REEP1: variants seen among roughly 807,000 people sequenced by gnomAD.
REEP1 encodes the protein receptor expression-enhancing protein 1.
A neutral mutation model predicts 40.3 loss-of-function variants in REEP1; 22 were observed. The observed-to-expected ratio is 0.55, with a 90% CI of 0.39 to 0.78. The LOEUF (loss-of-function observed/expected upper bound fraction) is 0.78. Among genes scored for constraint, REEP1 ranks in the 30% least tolerant of loss-of-function variants. The probability of loss-of-function intolerance (pLI) is 0.00; values close to 1 mark genes in which losing one functional copy is unlikely to be tolerated. For missense variants in REEP1, 280 were observed against 361.1 expected, an observed-to-expected ratio of 0.78 and a Z score of 1.82; for synonymous variants, 116 against 139.2, an observed-to-expected ratio of 0.83 and a Z score of 1.17.
intron 4 of REEP1, 130 bp from the exon 5 acceptor site, chr2:86,252,200 A>G: frequency 4.1e-6 from 3 of 740,328 alleles, no homozygotes; most frequent in Non-Finnish European, 7.3e-6. Context: ...GAAAAGCTGT[A>G]GGCACTTTGA....
intron 1 of REEP1, among the ~76,000 whole-genome samples, chr2:86,289,121 T>G (rs1337143730): frequency 6.6e-6 from 1 of 152,254 alleles, no homozygotes; most frequent in South Asian, 2.1e-4. Flanking sequence ...TTCCAGATTT[T>G]TTCTATCTTG....
chr2:86,218,569 C>T (rs971302135), intron 8 of REEP1, among the ~76,000 whole-genome samples: 15 of 152,240 alleles, frequency 9.9e-5, no homozygotes, highest in African/African-American at 3.6e-4. Context: ...GGCTGGTGAA[C>T]TGTAAACAGT....
In REEP1 at chr2:86,216,894, G is replaced by T; in HGVS notation, c.*145C>A. On this transcript the variant is annotated 3_prime_UTR_variant, in exon 9 of 9. Coordinates refer to ENST00000538924, the MANE Select transcript of REEP1 (RefSeq NM_001371279.1). ...GGGGGAAAAAAATAAATCCTTAAAA[G>T]TGGAAGGGGAGAGAGAAAAGGCCAT... The T allele has an allele frequency of 1.1e-5, 7 of 658,522 alleles. No individual in the cohort carries two copies. The highest frequency in any genetic ancestry group is 3.7e-5 in the African/African-American group (2 of 54,530). The allele number at this position is 658,522 out of a possible 1,614,324, so 40.8% of individuals were successfully genotyped here.
chr2:86,265,093 G>A (rs1461873185), intron 2 of REEP1, among the ~76,000 whole-genome samples: 1 of 152,180 alleles, frequency 6.6e-6, no homozygotes, highest in Non-Finnish European at 1.5e-5. Flanking sequence ...AACTTGGCAG[G>A]TCCCTGAAAT....
intron 7 of REEP1, chr2:86,223,837 C>G (rs936660663): frequency 2.6e-5 from 4 of 151,782 alleles, no homozygotes; most frequent in South Asian, 2.1e-4. Context: ...GGAGGGACAC[C>G]TCTATGACTA....
intron 5 of REEP1, among the ~76,000 whole-genome samples, chr2:86,248,176 G>A (rs1031920066): frequency 6.6e-6 from 1 of 152,188 alleles, no homozygotes; most frequent in Non-Finnish European, 1.5e-5. Flanking sequence ...ATCCTGGCCT[G>A]TAATTCCAGC....
At chr2:86,222,450 C>A (rs764960297) in intron 7 of REEP1, among the ~76,000 whole-genome samples, 23 of 152,198 alleles carry the variant, frequency 1.5e-4, no homozygotes, top group Non-Finnish European at 3.1e-4. Flanking sequence ...TCACTGTGTC[C>A]GCTGAGCATT....
chr2:86,314,660 T>C (rs1383212109), intron 1 of REEP1, among the ~76,000 whole-genome samples: 1 of 151,458 alleles, frequency 6.6e-6, no homozygotes, highest in Non-Finnish European at 1.5e-5. Context: ...CAGTGTGCTT[T>C]TGGGGAGGCA....
At chr2:86,254,560 G>T in intron 4 of REEP1, 134 bp downstream of exon 4, 1 of 872,934 alleles carries the variant, frequency 1.1e-6, no homozygotes, top group Non-Finnish European at 1.8e-6. Context: ...TAAAAAAAAC[G>T]ATTAGGAGGA....
chr2:86,267,070 A>G (rs1677189342), intron 2 of REEP1, among the ~76,000 whole-genome samples: 1 of 151,814 alleles, frequency 6.6e-6, no homozygotes, highest in Non-Finnish European at 1.5e-5. Flanking sequence ...CCAAGATGAG[A>G]GAATTGCTTG....
At chr2:86,217,666 A>ATTTTTTTTTTTTTTTT (rs10668934) in intron 8 of REEP1, among the ~76,000 whole-genome samples, 33 of 112,894 alleles carry the variant, frequency 2.9e-4, no homozygotes, top group African/African-American at 9.9e-4. Context: ...GGGATTTCAG[A>ATTTTTTTTTTTTTTTT]TTTTTTTTTT....
At chr2:86,327,718 C>G (rs1418635993) in intron 1 of REEP1, among the ~76,000 whole-genome samples, 1 of 152,084 alleles carries the variant, frequency 6.6e-6, no homozygotes, top group African/African-American at 2.4e-5. Flanking sequence ...CAGGCACCCG[C>G]CTCCACATCC....
intron 3 of REEP1, among the ~76,000 whole-genome samples, chr2:86,262,171 T>C (rs4832269): frequency 0.42 from 63,500 of 152,050 alleles, 14,735 homozygotes; most frequent in East Asian, 0.65. Flanking sequence ...CCTATTTTTT[T>C]CTCTATACTT....
intron 8 of REEP1, among the ~76,000 whole-genome samples, chr2:86,218,625 AC>A (rs779620549): frequency 8.6e-5 from 13 of 151,762 alleles, no homozygotes; most frequent in Non-Finnish European, 1.8e-4. Context: ...AACAGCACAA[AC>A]CCTTGGGCCT....
At chr2:86,257,877 G>A (rs951943645) in intron 3 of REEP1, among the ~76,000 whole-genome samples, 8 of 152,150 alleles carry the variant, frequency 5.3e-5, no homozygotes, top group Non-Finnish European at 1.0e-4. Context: ...GACCTCAGGT[G>A]ATCCGCCCGC....
chr2:86,332,161 C>T (rs1283637168), intron 1 of REEP1, among the ~76,000 whole-genome samples: 1 of 152,114 alleles, frequency 6.6e-6, no homozygotes, highest in East Asian at 1.9e-4. Context: ...AGAATAAATA[C>T]TCTGAATATA....
intron 1 of REEP1, among the ~76,000 whole-genome samples, chr2:86,314,087 A>T (rs1679882967): frequency 6.6e-6 from 1 of 152,190 alleles, no homozygotes; most frequent in East Asian, 1.9e-4. Flanking sequence ...GAAAAGGCTG[A>T]CCCACAGTGA....
At chr2:86,273,614 C>T (rs937656117) in intron 2 of REEP1, among the ~76,000 whole-genome samples, 4 of 152,100 alleles carry the variant, frequency 2.6e-5, no homozygotes, top group African/African-American at 9.7e-5. Context: ...TCATCAAAAG[C>T]TCATCCACAC....
chr2:86,255,503 G>T lies in REEP1; in HGVS notation c.183-689C>A, dbSNP rs1480654868. Among the ~76,000 whole-genome samples, 4 of 152,114 alleles carry T rather than the reference G, an allele frequency of 2.6e-5. No homozygotes were observed. In the South Asian group the frequency reaches 8.3e-4, roughly 32 times the overall value. On this transcript the variant is annotated intron_variant, in intron 3 of 8. Transcript: ENST00000538924. ...TGCAGTCCTGCATACCCTCAAGCCT[G>T]TTCATTTATTTGTCCCCCCACAGGC...
Sources: allele counts gnomAD v4.1 joint callset (sites outside exome capture counted in the v4.1 genomes callset), GRCh38; gene constraint gnomAD v4.1.1; transcripts MANE v1.5; gene names NCBI Gene and HGNC (gene_info 2026-07-23, HGNC 2026-07-21).